MIOS: variants seen among roughly 807,000 people sequenced by gnomAD.
MIOS encodes GATOR2 complex protein MIOS.
In MIOS, 52 loss-of-function variants were observed where a neutral mutation model predicts 96.9. The observed-to-expected ratio is 0.54, with a 90% confidence interval of 0.43 to 0.68. The LOEUF (loss-of-function observed/expected upper bound fraction) is 0.68. MIOS is among the 30% of genes least tolerant of loss of function. MIOS has a pLI of 0.00. For synonymous variants in MIOS, 397 were observed against 359.5 expected, an observed-to-expected ratio of 1.10 and a Z score of -1.18; for missense variants, 1,005 against 1,052.8, an observed-to-expected ratio of 0.95 and a Z score of 0.63.
At chr7:7,596,163 GTATT>G in intron 10 of MIOS, 90 bp from the exon 11 acceptor site, 1 of 1,071,726 alleles carries the variant, frequency 9.3e-7, no homozygotes, top group Non-Finnish European at 1.3e-6. Context: ...TTTTTTAAAA[GTATT>G]TAAAAATAAT....
chr7:7,597,468 T>TTATA (rs1160646084), intron 11 of MIOS, among the ~76,000 whole-genome samples: 13 of 11,692 alleles, frequency 1.1e-3, no homozygotes, highest in Non-Finnish European at 1.8e-3. Context: ...CCTAGTAAAT[T>TTATA]TATATATATA....
At chr7:7,603,303 T>C (rs898258984) in intron 11 of MIOS, among the ~76,000 whole-genome samples, 41 of 151,916 alleles carry the variant, frequency 2.7e-4, no homozygotes, top group East Asian at 2.5e-3. Flanking sequence ...AGAAAATTTT[T>C]GCAACCTACT....
rs928610650 is a variant in MIOS at position 7,594,992 on chromosome 7, G to C, written c.2056G>C (p.Asp686His). ...SYCMLQGSPL[D>H]VLKDERVQYW... is the part of the protein sequence containing the mutation. ...GTTTTCGTTTTAGGGTTCACCTTTAGATGTTCTTAAAGATGAAAGGGTTCA... is the reference window on the plus strand; with the variant it reads ...GTTTTCGTTTTAGGGTTCACCTTTACATGTTCTTAAAGATGAAAGGGTTCA... Residue 686 changes from aspartate (D) to histidine (H), a missense_variant, in exon 10 of 13, where the codon GAT (aspartate) becomes CAT (histidine). Asp to His is a moderately conservative substitution (Grantham distance 81). Around this residue, in one of 3 missense-constraint regions of MIOS, gnomAD observed 865 missense variants for 887.9 expected, o/e 0.97. Coordinates refer to ENST00000340080, the MANE Select transcript of MIOS (RefSeq NM_019005.4). The C allele has an allele frequency of 2.5e-6, 4 of 1,605,990 alleles. No homozygotes were observed. The African/African-American group carries it at 4.0e-5, about 16-fold the overall frequency.
At chr7:7,577,196 C>G (rs568975137) in intron 5 of MIOS, among the ~76,000 whole-genome samples, 1 of 152,164 alleles carries the variant, frequency 6.6e-6, no homozygotes, top group Non-Finnish European at 1.5e-5. Flanking sequence ...TGACAAAAAC[C>G]GCAATCACTT....
At position 7,591,279 on chromosome 7, in the gene MIOS, T is replaced by G. The variant is rs1235899727; in HGVS notation, c.2043+1716T>G. Among the ~76,000 whole-genome samples the G allele has an allele frequency of 4.7e-5, 7 of 148,774 alleles. No homozygotes were observed. In the Admixed American group the frequency reaches 5.0e-4, roughly 11 times the overall value. The stretch of plus-strand genomic sequence containing the variant: ...CTTATGCTTGTCTCCCTGTCTGTGA[T>G]GTTTCATTTTTTGTTGGGTTTTTTT... On this transcript the variant is annotated intron_variant, in intron 9 of 12. Coordinates refer to ENST00000340080, the MANE Select transcript of MIOS (RefSeq NM_019005.4).
rs187563403 is a variant in MIOS, at chr7:7,577,209, G to C, written c.1393+3013G>C. Among the ~76,000 whole-genome samples the C allele has an allele frequency of 1.4e-3, 214 of 152,286 alleles. 1 individual carries two copies. Among genetic ancestry groups the C allele is most frequent in the African/African-American group, 5.0e-3 (208 of 41,576 alleles). ...TATGACAAAAACCGCAATCACTTTT[G>C]TACCAACCTAGTATACATTCATGTG... On this transcript the variant is annotated intron_variant, in intron 5 of 12. Coordinates refer to ENST00000340080, the MANE Select transcript of MIOS (RefSeq NM_019005.4).
At position 7,596,196 on chromosome 7, in the gene MIOS, G is replaced by GTTAT. The variant is rs558500971; in HGVS notation, c.2197-57_2197-54dup. 378 of 1,437,014 alleles carry GTTAT rather than the reference G, an allele frequency of 2.6e-4. 2 individuals are homozygous for GTTAT. In the East Asian group the frequency reaches 8.0e-3, roughly 31 times the overall value. 89.0% of individuals were successfully genotyped at this position (1,437,014 alleles called of 1,614,324 possible). A position where few individuals can be genotyped will look rare whatever the true frequency, so the allele number is the denominator to read the frequency against. Reference sequence around the variant, plus strand: ...AAATAATTTGTTAGGCGCACACTAAGTTATTTAGCATTCCATTATGGTTTG... The same window carrying GTTAT: ...AAATAATTTGTTAGGCGCACACTAAGTTATTTATTTAGCATTCCATTATGGTTTG... On this transcript the variant is annotated intron_variant, in intron 10 of 12. Coordinates refer to ENST00000340080, the MANE Select transcript of MIOS (RefSeq NM_019005.4).
At chr7:7,596,963 G>A (rs1012830758) in intron 11 of MIOS, among the ~76,000 whole-genome samples, 1 of 152,178 alleles carries the variant, frequency 6.6e-6, no homozygotes, top group East Asian at 1.9e-4. Flanking sequence ...GAGAGGCCAG[G>A]GTGGAAGGAT....
At chr7:7,597,098 T>G (rs1490075746) in intron 11 of MIOS, among the ~76,000 whole-genome samples, 1 of 152,038 alleles carries the variant, frequency 6.6e-6, no homozygotes, top group African/African-American at 2.4e-5. Flanking sequence ...TGGCCGAGGC[T>G]GGCAGATCAC....
chr7:7,572,013 T>C lies in MIOS; in HGVS notation c.-40-423T>C, dbSNP rs1463321642. ...GCATGAACATGAAACATTTCTGTCA[T>C]TGCAGAAAGTTTTATTGGGCAGTGC... On this transcript the variant is annotated intron_variant, in intron 3 of 12. Coordinates refer to ENST00000340080, the MANE Select transcript of MIOS (RefSeq NM_019005.4). The surrounding 1 kb of genome is among the most constrained non-coding windows in gnomAD (Gnocchi z 4.8). 6.6e-6 allele frequency among the ~76,000 whole-genome samples: 1 copy of C among 152,268 alleles called. No individual in the cohort carries two copies. The highest frequency in any genetic ancestry group is 1.5e-5 in the Non-Finnish European group (1 of 68,056).
intron 5 of MIOS, among the ~76,000 whole-genome samples, 158 bp downstream of exon 5, chr7:7,574,354 A>G (rs2115356738): frequency 6.6e-6 from 1 of 152,214 alleles, no homozygotes; most frequent in South Asian, 2.1e-4. Flanking sequence ...GTTGAGTTAA[A>G]TGCATACTTG....
intron 7 of MIOS, among the ~76,000 whole-genome samples, chr7:7,587,708 C>T (rs897455527): frequency 6.6e-6 from 1 of 151,804 alleles, no homozygotes; most frequent in Non-Finnish European, 1.5e-5. Flanking sequence ...AGGGCAAAAC[C>T]ATATTTTATC....
intron 12 of MIOS, among the ~76,000 whole-genome samples, chr7:7,606,356 A>G (rs552108643): frequency 6.6e-5 from 10 of 152,328 alleles, no homozygotes; most frequent in African/African-American, 1.9e-4. Flanking sequence ...ATATGTTTAC[A>G]GTTTTTACAC....
chr7:7,597,517 T>TATAAAAAA lies in MIOS; in HGVS notation c.2401+1056_2401+1057insATAAAAAA, dbSNP rs372634070. Among the ~76,000 whole-genome samples the TATAAAAAA allele has an allele frequency of 7.9e-3, 556 of 70,430 alleles. 123 individuals are homozygous for TATAAAAAA. The highest frequency in any genetic ancestry group is 0.039 in the East Asian group (72 of 1,848). 46.2% of individuals were successfully genotyped at this position (70,430 alleles called of 152,430 possible). On this transcript the variant is annotated intron_variant, in intron 11 of 12. Transcript: ENST00000340080. ...ATATATATATATATATATATATATATGAAGGCAATACGTAATGTTTTAAAT... is the reference window on the plus strand; with the variant it reads ...ATATATATATATATATATATATATATATAAAAAAGAAGGCAATACGTAATGTTTTAAAT...
chr7:7,589,640 G>A (rs1783991752), intron 9 of MIOS, 77 bp downstream of exon 9: 13 of 1,470,058 alleles, frequency 8.8e-6, no homozygotes, highest in Non-Finnish European at 1.2e-5. Context: ...AAGTAAATAT[G>A]CACTTTTGCT....
At chr7:7,602,691 C>A (rs1307369472) in intron 11 of MIOS, among the ~76,000 whole-genome samples, 1 of 152,110 alleles carries the variant, frequency 6.6e-6, no homozygotes, top group Non-Finnish European at 1.5e-5. Flanking sequence ...ATCAAGCTAC[C>A]AATGACTTTC....
At chr7:7,596,226 A>C in intron 10 of MIOS, 31 bp from the exon 11 acceptor site, 5 of 1,590,848 alleles carry the variant, frequency 3.1e-6, no homozygotes, top group Non-Finnish European at 4.3e-6. Flanking sequence ...GGTTTGCATT[A>C]CATTTATTTT....
chr7:7,570,532 C>G (rs906249122), intron 3 of MIOS, among the ~76,000 whole-genome samples: 1 of 151,202 alleles, frequency 6.6e-6, no homozygotes, highest in African/African-American at 2.5e-5. Flanking sequence ...CACTTTATTT[C>G]TATTTACATT....
chr7:7,596,566 A>C (rs939857839), intron 11 of MIOS, 105 bp downstream of exon 11: 2 of 1,135,672 alleles, frequency 1.8e-6, no homozygotes, highest in African/African-American at 3.1e-5. Context: ...ATTATTTCTA[A>C]GAAAGGGCAG....
Sources: gnomAD v4.1 joint callset for allele counts (sites outside exome capture counted in the v4.1 genomes callset) on GRCh38, gnomAD v4.1.1 for gene constraint, gnomAD v4.1.1 regional missense constraint, Gnocchi (gnomAD v3.1) non-coding constraint, MANE v1.5 for transcripts, NCBI Gene and HGNC (gene_info 2026-07-23, HGNC 2026-07-21) for gene names.